Variants in SMYD3 observed in about 807,000 individuals in gnomAD.
The protein encoded by SMYD3 is histone-lysine N-methyltransferase SMYD3.
SMYD3 carries 36 observed loss-of-function variants against 57.7 expected under a neutral mutation model. The ratio of observed to expected loss-of-function variants is 0.62; its 90% CI spans 0.48 to 0.82. SMYD3 has a LOEUF of 0.82. Ranked by LOEUF, SMYD3 falls within the 40% of genes least tolerant of loss-of-function variation. SMYD3 has a pLI of 0.00. For synonymous variants in SMYD3, 211 were observed against 195.0 expected, an observed-to-expected ratio of 1.08 and a Z score of -0.68; for missense variants, 515 against 538.8, an observed-to-expected ratio of 0.96 and a Z score of 0.44.
chr1:246,083,886 C>T lies in SMYD3; in HGVS notation c.532-153949G>A, dbSNP rs146246631. Among the ~76,000 whole-genome samples, 14 of 151,976 alleles carry T rather than the reference C, an allele frequency of 9.2e-5. No homozygotes were observed. In the East Asian group the frequency reaches 2.1e-3, roughly 23 times the overall value. ...AAGAATCATATAACTCATTATAAAC[C>T]GAAACCAAACGAAATGAAAGACTTT... On this transcript the variant is annotated intron_variant, in intron 5 of 11. Coordinates refer to ENST00000490107, the MANE Select transcript of SMYD3 (RefSeq NM_001167740.2).
intron 5 of SMYD3, among the ~76,000 whole-genome samples, chr1:246,029,320 A>C (rs549453760): frequency 5.3e-5 from 8 of 152,344 alleles, no homozygotes; most frequent in Admixed American, 2.6e-4. Context: ...AGGAATTAAT[A>C]TCCAAAATAT....
intron 10 of SMYD3, among the ~76,000 whole-genome samples, chr1:245,853,567 T>C (rs2051087453): frequency 6.6e-6 from 1 of 152,156 alleles, no homozygotes. Context: ...CCCGGCAAGC[T>C]CTGCAGACTC....
intron 5 of SMYD3, among the ~76,000 whole-genome samples, chr1:246,158,551 C>T (rs1019285904): frequency 2.6e-5 from 4 of 152,128 alleles, no homozygotes; most frequent in African/African-American, 7.2e-5. Context: ...GTAAAGCATA[C>T]CTTTTTATAT....
intron 2 of SMYD3, among the ~76,000 whole-genome samples, chr1:246,350,047 ATAGAT>A (rs2065797576): frequency 6.6e-6 from 1 of 152,220 alleles, no homozygotes; most frequent in African/African-American, 2.4e-5. Flanking sequence ...TTACATATAA[ATAGAT>A]TAAATGTACA....
At chr1:245,837,237 C>CAA (rs5782371) in intron 10 of SMYD3, among the ~76,000 whole-genome samples, 145 of 110,770 alleles carry the variant, frequency 1.3e-3, no homozygotes, top group Middle Eastern at 0.01. Flanking sequence ...GCCTCTGTCT[C>CAA]AAAAAAAAAA....
chr1:246,296,714 T>G lies in SMYD3; in HGVS notation c.531+30487A>C, dbSNP rs115116667. On this transcript the variant is annotated intron_variant, in intron 5 of 11. Coordinates refer to ENST00000490107, the MANE Select transcript of SMYD3 (RefSeq NM_001167740.2). ...ACATTTGTTAAAATCACAGTGAAGG[T>G]TCAGCATACCTTAGAAAATCAGACA... Among the ~76,000 whole-genome samples, 381 of 152,278 alleles carry G rather than the reference T, an allele frequency of 2.5e-3. 2 individuals carry two copies. The highest frequency in any genetic ancestry group is 4.1e-3 in the Non-Finnish European group (277 of 68,016).
intron 1 of SMYD3, among the ~76,000 whole-genome samples, chr1:246,485,556 A>G (rs996728630): frequency 1.3e-5 from 2 of 152,056 alleles, no homozygotes; most frequent in Non-Finnish European, 2.9e-5. Flanking sequence ...CTGATGCAAG[A>G]GGATCACTTG....
chr1:246,463,008 G>C (rs2067825962), intron 1 of SMYD3, among the ~76,000 whole-genome samples: 1 of 152,052 alleles, frequency 6.6e-6, no homozygotes. Flanking sequence ...AGAAAAACTT[G>C]GTGATATAGG....
chr1:246,428,703 T>C (rs2067253706), intron 1 of SMYD3, among the ~76,000 whole-genome samples: 1 of 152,236 alleles, frequency 6.6e-6, no homozygotes, highest in Non-Finnish European at 1.5e-5. Flanking sequence ...CCGTGCAATC[T>C]AGACCACAGC....
chr1:246,011,925 T>C (rs2059289067), intron 5 of SMYD3, among the ~76,000 whole-genome samples: 1 of 152,174 alleles, frequency 6.6e-6, no homozygotes, highest in Non-Finnish European at 1.5e-5. Context: ...ATACTGGCCG[T>C]CAGTATCATT....
chr1:245,865,926 G>A (rs547399578), intron 8 of SMYD3, among the ~76,000 whole-genome samples: 3 of 152,178 alleles, frequency 2.0e-5, no homozygotes, highest in Non-Finnish European at 4.4e-5. Flanking sequence ...CTATCCATGA[G>A]ACTTTCAACG....
intron 5 of SMYD3, among the ~76,000 whole-genome samples, chr1:246,036,431 T>A (rs1194979545): frequency 6.6e-6 from 1 of 152,214 alleles, no homozygotes; most frequent in Non-Finnish European, 1.5e-5. Flanking sequence ...GGGATGTTAT[T>A]TTATACATAC....
chr1:245,797,525 G>A (rs1194945885), intron 10 of SMYD3, among the ~76,000 whole-genome samples: 8 of 133,428 alleles, frequency 6.0e-5, no homozygotes, highest in Non-Finnish European at 1.3e-4. Context: ...GGGGCCTGTG[G>A]TGGGGTGGGG....
intron 5 of SMYD3, among the ~76,000 whole-genome samples, chr1:246,096,892 AATG>A (rs1266129455): frequency 6.6e-6 from 1 of 152,188 alleles, no homozygotes. Flanking sequence ...AAGACAATGA[AATG>A]ATGAGTCCCT....
intron 1 of SMYD3, among the ~76,000 whole-genome samples, chr1:246,503,305 C>T (rs2068484854): frequency 6.6e-6 from 1 of 152,202 alleles, no homozygotes; most frequent in East Asian, 1.9e-4. Flanking sequence ...GAGCTATTCT[C>T]TTTACCCTAC....
At chr1:246,439,112 G>T (rs2067426019) in intron 1 of SMYD3, among the ~76,000 whole-genome samples, 1 of 149,932 alleles carries the variant, frequency 6.7e-6, no homozygotes, top group Non-Finnish European at 1.5e-5. Flanking sequence ...TTTCGGGGGG[G>T]GGGGTTCCCA....
chr1:245,801,516 AC>A (rs1188600571), intron 10 of SMYD3, among the ~76,000 whole-genome samples: 1 of 152,244 alleles, frequency 6.6e-6, no homozygotes, highest in Non-Finnish European at 1.5e-5. Flanking sequence ...TGCAGCTGCT[AC>A]GAAGCTCAGA....
chr1:246,299,478 A>T lies in SMYD3; in HGVS notation c.531+27723T>A, dbSNP rs188109529. Among the ~76,000 whole-genome samples, 46 of 152,296 alleles carry T rather than the reference A, an allele frequency of 3.0e-4. No homozygotes were observed. The East Asian group carries it at 7.5e-3, about 25-fold the overall frequency. ...AAACAGAGCCACCATTTGACCCAGC[A>T]ATCCCATTACTGACACATACCCAAA... On this transcript the variant is annotated intron_variant, in intron 5 of 11. Transcript: ENST00000490107.
chr1:246,374,564 G>C (rs2066241958), intron 1 of SMYD3, among the ~76,000 whole-genome samples: 1 of 33,682 alleles, frequency 3.0e-5, no homozygotes, highest in Non-Finnish European at 5.7e-5. Context: ...CTAAGCACAA[G>C]AAAGTTGTAA....
Sources: allele counts gnomAD v4.1 joint callset (sites outside exome capture counted in the v4.1 genomes callset), GRCh38; gene constraint gnomAD v4.1.1; transcripts MANE v1.5; gene names NCBI Gene and HGNC (gene_info 2026-07-23, HGNC 2026-07-21).